The following CDK14 variants were observed in gnomAD, a reference collection of about 807,000 sequenced individuals.
CDK14 encodes the protein cyclin dependent kinase 14.
Under a neutral mutation model 60.7 loss-of-function variants are expected in CDK14, and 34 were observed. That is an observed-to-expected ratio of 0.56 (90% CI 0.43 to 0.75). CDK14 has a LOEUF of 0.75. Ranked by LOEUF, CDK14 falls within the 30% of genes least tolerant of loss-of-function variation. CDK14 has a pLI of 0.00. For synonymous variants in CDK14, 197 were observed against 203.7 expected (o/e 0.97, Z 0.28); for missense variants, 482 against 564.1 (o/e 0.85, Z 1.47).
intron 5 of CDK14, among the ~76,000 whole-genome samples, chr7:90,802,225 A>T (rs2117007666): frequency 6.6e-6 from 1 of 152,328 alleles, no homozygotes; most frequent in African/African-American, 2.4e-5. Flanking sequence ...TGTTAATGCA[A>T]CATTTGACCC....
intron 10 of CDK14, among the ~76,000 whole-genome samples, chr7:91,031,312 A>G (rs1796752937): frequency 6.6e-6 from 1 of 152,134 alleles, no homozygotes; most frequent in African/African-American, 2.4e-5. Flanking sequence ...GAAACCCATA[A>G]ACAATGCAAA....
At position 90,663,903 on chromosome 7, in the gene CDK14, ATTG is replaced by A. The variant is rs560799227; in HGVS notation, c.123+59660_123+59662del. 2.3e-3 allele frequency among the ~76,000 whole-genome samples: 351 copies of A among 152,262 alleles called. 4 individuals are homozygous for A. Among genetic ancestry groups the A allele is most frequent in the African/African-American group, 8.0e-3 (331 of 41,550 alleles). ...TATATTTTCCTTAAAAACTTTCCAAATTGTTGTTTTTTTTTCTGAGTGTTGCTT... is the reference window on the plus strand; with the variant it reads ...TATATTTTCCTTAAAAACTTTCCAAATTGTTTTTTTTTCTGAGTGTTGCTT... On this transcript the variant is annotated intron_variant, in intron 2 of 14. Coordinates refer to ENST00000380050, the MANE Select transcript of CDK14 (RefSeq NM_001287135.2).
chr7:91,014,171 T>A (rs536751591), intron 10 of CDK14, among the ~76,000 whole-genome samples: 14 of 152,032 alleles, frequency 9.2e-5, no homozygotes, highest in Non-Finnish European at 1.9e-4. Context: ...AAAACCAAAG[T>A]TTTAATACAT....
chr7:90,730,684 T>C (rs1193829976), intron 3 of CDK14, among the ~76,000 whole-genome samples: 14 of 152,076 alleles, frequency 9.2e-5, no homozygotes, highest in African/African-American at 3.4e-4. Context: ...ATTCTTTGCC[T>C]ACTTTTTGAT....
chr7:91,184,788 A>C (rs982994047), intron 14 of CDK14, among the ~76,000 whole-genome samples: 1 of 152,006 alleles, frequency 6.6e-6, no homozygotes, highest in African/African-American at 2.4e-5. Flanking sequence ...GTTCTGATGG[A>C]GCAGGAAAGT....
At chr7:91,117,941 C>T (rs978435418) in intron 13 of CDK14, 124 bp from the exon 14 acceptor site, 7 of 549,432 alleles carry the variant, frequency 1.3e-5, no homozygotes, top group Admixed American at 3.2e-5. Flanking sequence ...AAGATCAAAA[C>T]ATACCATGAT....
At chr7:90,816,004 C>T (rs974371491) in intron 5 of CDK14, among the ~76,000 whole-genome samples, 11 of 152,142 alleles carry the variant, frequency 7.2e-5, no homozygotes, top group African/African-American at 2.7e-4. Context: ...TTGATAGGTG[C>T]AGCAAACCAC....
chr7:90,782,427 G>T (rs906696092), intron 4 of CDK14, among the ~76,000 whole-genome samples: 1 of 151,928 alleles, frequency 6.6e-6, no homozygotes, highest in African/African-American at 2.4e-5. Flanking sequence ...CTGCCTAATT[G>T]CCCTGGCCAG....
chr7:90,873,819 A>G (rs1376145331), intron 6 of CDK14, among the ~76,000 whole-genome samples: 3 of 152,070 alleles, frequency 2.0e-5, no homozygotes, highest in Admixed American at 2.0e-4. Context: ...CAAAGCGAGA[A>G]TTTGGTTTTT....
intron 4 of CDK14, among the ~76,000 whole-genome samples, chr7:90,775,621 T>TCCTCCCCCTCCC (rs1378997696): frequency 2.5e-5 from 2 of 79,134 alleles, no homozygotes; most frequent in Non-Finnish European, 4.8e-5. Context: ...AAATACCTCC[T>TCCTCCCCCTCCC]CCTCCCCCTC....
At chr7:90,666,630 A>G (rs750210924) in intron 2 of CDK14, among the ~76,000 whole-genome samples, 1 of 152,252 alleles carries the variant, frequency 6.6e-6, no homozygotes, top group South Asian at 2.1e-4. Context: ...CTGTTATTTC[A>G]CGGAACATAG....
At chr7:90,908,455 A>G (rs1482590439) in intron 7 of CDK14, among the ~76,000 whole-genome samples, 2 of 152,196 alleles carry the variant, frequency 1.3e-5, no homozygotes, top group Admixed American at 6.6e-5. Flanking sequence ...GATGAAATGC[A>G]GACAATGATT....
chr7:90,823,728 C>T (rs908818953), intron 5 of CDK14, among the ~76,000 whole-genome samples: 3 of 152,150 alleles, frequency 2.0e-5, no homozygotes, highest in Non-Finnish European at 4.4e-5. Context: ...TGGTAACATG[C>T]CCTCTCCCTG....
chr7:91,158,948 A>T (rs1445779775), intron 14 of CDK14, among the ~76,000 whole-genome samples: 1 of 152,220 alleles, frequency 6.6e-6, no homozygotes, highest in African/African-American at 2.4e-5. Flanking sequence ...ACAACTTTTA[A>T]TATCTGTGAA....
chr7:91,052,191 G>C (rs777900687), intron 11 of CDK14, among the ~76,000 whole-genome samples: 1 of 152,158 alleles, frequency 6.6e-6, no homozygotes, highest in Non-Finnish European at 1.5e-5. Context: ...GAACCCCAGG[G>C]AGCATCTAGT....
At chr7:90,749,174 G>A (rs191231730) in intron 4 of CDK14, among the ~76,000 whole-genome samples, 152 of 152,290 alleles carry the variant, frequency 1.0e-3, no homozygotes, top group African/African-American at 3.5e-3. Context: ...AAATGGTGCA[G>A]GGAGCCCTCT....
intron 2 of CDK14, among the ~76,000 whole-genome samples, chr7:90,698,077 A>AAAAAAAAAAAAAG (rs1563048795): frequency 1.4e-5 from 2 of 146,136 alleles, no homozygotes; most frequent in Non-Finnish European, 3.1e-5. Flanking sequence ...CAAAAAAAAA[A>AAAAAAAAAAAAAG]AAAAAAAAAA....
At chr7:91,162,482 T>C (rs983904490) in intron 14 of CDK14, among the ~76,000 whole-genome samples, 1 of 152,048 alleles carries the variant, frequency 6.6e-6, no homozygotes, top group Non-Finnish European at 1.5e-5. Context: ...GGAAGTCACG[T>C]TGAACTGGGC....
At chr7:91,088,569 A>ATGTGTGTG (rs35277214) in intron 12 of CDK14, among the ~76,000 whole-genome samples, 3 of 149,506 alleles carry the variant, frequency 2.0e-5, no homozygotes, top group East Asian at 2.0e-4. Context: ...GTTTATATAT[A>ATGTGTGTG]TGTGTGTGTG....
Sources: gnomAD v4.1 joint callset for allele counts (sites outside exome capture counted in the v4.1 genomes callset) on GRCh38, gnomAD v4.1.1 for gene constraint, MANE v1.5 for transcripts, NCBI Gene and HGNC (gene_info 2026-07-23, HGNC 2026-07-21) for gene names.